The following BRF1 variants were observed in gnomAD, a reference collection of about 807,000 sequenced individuals.
BRF1 encodes BRF1 general transcription factor IIIB subunit.
A neutral mutation model predicts 81.7 loss-of-function variants in BRF1; 59 were observed. That is an observed-to-expected ratio of 0.72 (90% confidence interval 0.59 to 0.90). BRF1 has a LOEUF of 0.90. Ranked by LOEUF, BRF1 falls within the 40% of genes least tolerant of loss-of-function variation. The pLI is 0.00. For synonymous variants in BRF1, 491 were observed against 395.6 expected, an observed-to-expected ratio of 1.24 and a Z score of -2.86; for missense variants, 1,050 against 936.3, an observed-to-expected ratio of 1.12 and a Z score of -1.58.
Position 105,209,464 on chromosome 14 carries a change from G to A in BRF1, c.*1087C>T. 1 of 698,664 alleles carries A rather than the reference G, an allele frequency of 1.4e-6. No homozygotes were observed. The highest frequency in any genetic ancestry group is 1.5e-5 in the South Asian group (1 of 67,012). 43.3% of individuals were successfully genotyped at this position (698,664 alleles called of 1,614,324 possible). ...CAGCCCATTCCATGGGGAGGATGAG[G>A]CCCCTGGGGGTCAGTGAGGCACGGC... On this transcript the variant is annotated 3_prime_UTR_variant, in exon 18 of 18. Transcript: ENST00000547530.
chr14:105,217,498 G>A (rs1484547903), intron 15 of BRF1, 46 bp downstream of exon 15: 16 of 1,591,676 alleles, frequency 1.0e-5, no homozygotes, highest in East Asian at 4.5e-5. Flanking sequence ...GCCTCTGCCC[G>A]CCCTGGGCTG....
chr14:105,252,436 C>G, intron 5 of BRF1, 71 bp downstream of exon 5: 1 of 1,570,236 alleles, frequency 6.4e-7, no homozygotes, highest in South Asian at 1.2e-5. Context: ...CTCCACTGTT[C>G]AAAGGACATT....
In BRF1 at chr14:105,209,946, G is replaced by T; in HGVS notation, c.*605C>A. On this transcript the variant is annotated 3_prime_UTR_variant, in exon 18 of 18. Coordinates refer to ENST00000547530, the MANE Select transcript of BRF1 (RefSeq NM_001519.4). The stretch of plus-strand genomic sequence containing the variant: ...GGAGGAGGCAGGGGTGGGGGTGTCT[G>T]CCTCGGACGAGGCAGGTATCTGGAT... The T allele has an allele frequency of 2.9e-6, 1 of 340,784 alleles. No individual in the cohort carries two copies. The highest frequency in any genetic ancestry group is 5.3e-6 in the Non-Finnish European group (1 of 188,624). The allele number at this position is 340,784 out of a possible 1,614,324, so 21.1% of individuals were successfully genotyped here.
intron 5 of BRF1, chr14:105,250,232 C>G: frequency 6.2e-7 from 1 of 1,612,948 alleles, no homozygotes; most frequent in Non-Finnish European, 8.5e-7. Context: ...GAGGTGCCAC[C>G]GATTCCAGTC....
rs2056553274 is a variant in BRF1 at position 105,269,128 on chromosome 14, C to G, written c.439+3593G>C. ...CGTGTCCAGGATGGGTCTGGGGGCT[C>G]TGGCTGGCAGGCCTAGGGCACGGTG... is the stretch of plus-strand genomic sequence containing the variant. On this transcript the variant is annotated intron_variant, in intron 3 of 17. Coordinates refer to ENST00000547530, the MANE Select transcript of BRF1 (RefSeq NM_001519.4). This position sits in a 1 kb window ranked among gnomAD's most constrained non-coding sequence, Gnocchi z 5.0. Among the ~76,000 whole-genome samples, 1 of 151,988 alleles carries G rather than the reference C, an allele frequency of 6.6e-6. No individual in the cohort carries two copies. Among genetic ancestry groups the G allele is most frequent in the African/African-American group, 2.4e-5 (1 of 41,380 alleles).
chr14:105,246,755 C>T (rs962007937), intron 5 of BRF1: 6 of 963,472 alleles, frequency 6.2e-6, no homozygotes, highest in African/African-American at 5.3e-5. Context: ...CCGCGCCCAA[C>T]CTACACTGTA....
In BRF1 at chr14:105,249,212, C is replaced by T. The variant is rs746584231; in HGVS notation, c.544+3295G>A. ...GGCCGACGTGCACTTCGTCGTGGGG[C>T]CCCCGGGGGCGACCAGGACGGTGCC... On this transcript the variant is annotated intron_variant, in intron 5 of 17. Coordinates refer to ENST00000547530, the MANE Select transcript of BRF1 (RefSeq NM_001519.4). 14 of 1,587,414 alleles carry T rather than the reference C, an allele frequency of 8.8e-6. No homozygotes were observed. Among genetic ancestry groups the T allele is most frequent in the South Asian group, 1.1e-5 (1 of 89,168 alleles).
intron 5 of BRF1, chr14:105,241,679 C>T (rs587692728): frequency 1.3e-4 from 69 of 527,608 alleles, no homozygotes; most frequent in Admixed American, 3.2e-4. Flanking sequence ...TACTGCATGG[C>T]CGCCCTGCTC....
intron 6 of BRF1, among the ~76,000 whole-genome samples, chr14:105,240,963 C>T (rs775257368): frequency 6.6e-6 from 1 of 152,208 alleles, no homozygotes; most frequent in Non-Finnish European, 1.5e-5. Context: ...CCGGGCCCCA[C>T]GAGACCACGG....
At chr14:105,222,883 C>G (rs1459005236) in intron 10 of BRF1, among the ~76,000 whole-genome samples, 1 of 152,180 alleles carries the variant, frequency 6.6e-6, no homozygotes, top group African/African-American at 2.4e-5. Flanking sequence ...CCACCTCAGC[C>G]TCCCAAAGTG....
At chr14:105,243,974 T>C (rs2054900265) in intron 5 of BRF1, among the ~76,000 whole-genome samples, 1 of 152,160 alleles carries the variant, frequency 6.6e-6, no homozygotes, top group South Asian at 2.1e-4. Context: ...TACTCCAGCC[T>C]AGGCGACAGA....
intron 3 of BRF1, among the ~76,000 whole-genome samples, chr14:105,264,827 C>T (rs1346808246): frequency 2.6e-5 from 4 of 151,234 alleles, no homozygotes; most frequent in African/African-American, 4.9e-5. Context: ...GGCAACACAG[C>T]GATATTCCAT....
chr14:105,228,979 C>T, intron 6 of BRF1, 66 bp from the exon 7 acceptor site: 1 of 1,419,264 alleles, frequency 7.0e-7, no homozygotes, highest in Non-Finnish European at 9.9e-7. Flanking sequence ...TGTGGCGGCC[C>T]AGGACAACAC....
chr14:105,224,588 G>A (rs1165865275), intron 10 of BRF1, among the ~76,000 whole-genome samples: 5 of 152,184 alleles, frequency 3.3e-5, no homozygotes, highest in African/African-American at 1.2e-4. Flanking sequence ...TGGCTCTGCT[G>A]CCCAGGCTGG....
At chr14:105,298,952 C>T (rs944125560) in intron 1 of BRF1, among the ~76,000 whole-genome samples, 1 of 151,898 alleles carries the variant, frequency 6.6e-6, no homozygotes, top group East Asian at 1.9e-4. Flanking sequence ...AGGCGGATCA[C>T]GAGGTCAGGA....
At chr14:105,286,232 T>A in intron 2 of BRF1, 64 bp downstream of exon 2, 3 of 1,522,788 alleles carry the variant, frequency 2.0e-6, no homozygotes, top group Non-Finnish European at 2.7e-6. Flanking sequence ...CCCTCCACCC[T>A]AGCACCACCA....
upstream of BRF1, among the ~76,000 whole-genome samples, chr14:105,301,655 C>G (rs1415747443): frequency 1.3e-5 from 2 of 152,262 alleles, no homozygotes; most frequent in African/African-American, 4.8e-5. Flanking sequence ...CCCCGCTATT[C>G]TCCGTTTTCT....
rs1889979473 is a variant in BRF1 at position 105,210,717 on chromosome 14, C to A, written c.1997-129G>T. ...CCAGCCCCAGCCCCAGCCCCCCGCGCCCCGCCAGGAGCCATCTTGGGCTCC... is the reference window on the plus strand; with the variant it reads ...CCAGCCCCAGCCCCAGCCCCCCGCGACCCGCCAGGAGCCATCTTGGGCTCC... On this transcript the variant is annotated intron_variant, in intron 17 of 17. Coordinates refer to ENST00000547530, the MANE Select transcript of BRF1 (RefSeq NM_001519.4). This position sits in a 1 kb window ranked among gnomAD's most constrained non-coding sequence, Gnocchi z 4.7. 7.4e-6 allele frequency: 8 copies of A among 1,078,472 alleles called. No individual in the cohort carries two copies. The South Asian group carries it at 1.2e-4, about 16-fold the overall frequency. 66.8% of individuals were successfully genotyped at this position (1,078,472 alleles called of 1,614,324 possible).
At position 105,284,387 on chromosome 14, in the gene BRF1, AC is replaced by A. The variant is rs2057236844; in HGVS notation, c.265+1908del. On this transcript the variant is annotated intron_variant, in intron 2 of 17. Coordinates refer to ENST00000547530, the MANE Select transcript of BRF1 (RefSeq NM_001519.4). The surrounding 1 kb of genome is among the most constrained non-coding windows in gnomAD (Gnocchi z 4.0). Reference sequence around the variant, plus strand: ...GTGAGGGATCATCGCAAGCCCAACTACCCCTGCCAGCCTAGGTGTGTCGGTG... The same window carrying A: ...GTGAGGGATCATCGCAAGCCCAACTACCCTGCCAGCCTAGGTGTGTCGGTG... Among the ~76,000 whole-genome samples the A allele has an allele frequency of 6.6e-6, 1 of 151,656 alleles. No individual in the cohort carries two copies. Among genetic ancestry groups the A allele is most frequent in the Non-Finnish European group, 1.5e-5 (1 of 67,932 alleles).
Sources: gnomAD v4.1 joint callset for allele counts (sites outside exome capture counted in the v4.1 genomes callset) on GRCh38, gnomAD v4.1.1 for gene constraint, Gnocchi (gnomAD v3.1) non-coding constraint, MANE v1.5 for transcripts, NCBI Gene and HGNC (gene_info 2026-07-23, HGNC 2026-07-21) for gene names.